Variants in TNRC18 observed in about 807,000 individuals in gnomAD.
TNRC18 encodes the protein trinucleotide repeat containing 18.
Under a neutral mutation model 226.7 loss-of-function variants are expected in TNRC18, and 69 were observed. That is an observed-to-expected ratio of 0.30 (90% CI 0.25 to 0.37). TNRC18 has a LOEUF of 0.37. TNRC18 is among the 10% of genes least tolerant of loss of function. The pLI is 1.00. For synonymous variants in TNRC18, 2,449 were observed against 1,927.6 expected (o/e 1.27, Z -7.09); for missense variants, 4,754 against 4,256.6 (o/e 1.12, Z -3.25).
intron 1 of TNRC18, among the ~76,000 whole-genome samples, chr7:5,421,738 C>A (rs1268577288): frequency 3.3e-5 from 5 of 152,176 alleles, no homozygotes; most frequent in Admixed American, 1.3e-4. Flanking sequence ...TGGCGCGCTG[C>A]GCCCCAGCCC....
chr7:5,317,747 C>A (rs1175941794), intron 24 of TNRC18, among the ~76,000 whole-genome samples: 81 of 151,402 alleles, frequency 5.3e-4, no homozygotes, highest in African/African-American at 1.9e-3. Context: ...ATTCTGTCAC[C>A]CAGGCTGGAA....
chr7:5,406,222 T>G (rs1182914970), intron 2 of TNRC18, among the ~76,000 whole-genome samples: 1 of 152,164 alleles, frequency 6.6e-6, no homozygotes, highest in African/African-American at 2.4e-5. Context: ...CCCAGCACTT[T>G]GGGAGGCCGA....
intron 10 of TNRC18, among the ~76,000 whole-genome samples, chr7:5,372,070 A>ATTTT (rs35270494): frequency 6.9e-6 from 1 of 144,800 alleles, no homozygotes; most frequent in South Asian, 2.2e-4. Context: ...CGCCTGGCTA[A>ATTTT]TTTTTTTTTT....
rs1051056825 is a variant in TNRC18 at position 5,388,895 on chromosome 7, C to A, written c.929G>T (p.Arg310Leu). Residue 310 changes from arginine (R) to leucine (L), a missense_variant, in exon 5 of 30, where the codon CGG (arginine) becomes CTG (leucine). By Grantham distance (102) the Arg-to-Leu change is moderately radical. Transcript: ENST00000430969. ...CAGCAGCCGCGCGCCCTCGTCCTGC[C>A]GGGCAGCCTCCTTGGCACCCCCGCG... The part of the protein sequence containing the change: ...AGRGGAKEAA[R>L]QDEGARLLRR... 2 of 1,356,640 alleles carry A rather than the reference C, an allele frequency of 1.5e-6. No homozygotes were observed. Among genetic ancestry groups the A allele is most frequent in the South Asian group, 1.4e-5 (1 of 71,678 alleles). The allele number at this position is 1,356,640 out of a possible 1,614,324, so 84.0% of individuals were successfully genotyped here.
intron 2 of TNRC18, among the ~76,000 whole-genome samples, chr7:5,410,860 CAAAAAAAAAAAAAA>C (rs34320785): frequency 8.1e-5 from 3 of 37,174 alleles, no homozygotes; most frequent in Non-Finnish European, 1.6e-4. Context: ...GACTCCATCT[CAAAAAAAAAAAAAA>C]AAAAAAAAAA....
intron 17 of TNRC18, among the ~76,000 whole-genome samples, chr7:5,346,296 T>G (rs1375105784): frequency 1.3e-5 from 2 of 151,922 alleles, no homozygotes; most frequent in Admixed American, 6.6e-5. Flanking sequence ...GCCAGCTGAG[T>G]CCTGAGGGCT....
chr7:5,356,774 T>G, intron 16 of TNRC18, 142 bp downstream of exon 16: 2 of 1,214,522 alleles, frequency 1.6e-6, no homozygotes, highest in Non-Finnish European at 2.2e-6. Context: ...CATGCCAAGC[T>G]CAGGCACTGT....
chr7:5,320,182 G>T (rs1788204917), intron 24 of TNRC18, 136 bp downstream of exon 24: 1 of 680,948 alleles, frequency 1.5e-6, no homozygotes, highest in Non-Finnish European at 2.6e-6. Context: ...AATCATGCCT[G>T]AAGGCCATAC....
chr7:5,318,514 C>A (rs1335067555), intron 24 of TNRC18, among the ~76,000 whole-genome samples: 2 of 152,018 alleles, frequency 1.3e-5, no homozygotes, highest in African/African-American at 2.4e-5. Flanking sequence ...GAGAAGTTAT[C>A]CAAGTTGTGC....
chr7:5,404,160 C>CAAG (rs551779524), intron 2 of TNRC18, among the ~76,000 whole-genome samples: 1 of 152,218 alleles, frequency 6.6e-6, no homozygotes, highest in Non-Finnish European at 1.5e-5. Context: ...ATCACAAGGT[C>CAAG]AAGAGTTCAA....
chr7:5,324,382 G>GA lies in TNRC18; in HGVS notation c.6301-28dup, dbSNP rs768665859. ...TGGGGACAGAACATGGCCGACAAAT[G>GA]ACTTAGGACCTGAACAGGGGTCCTG... is the stretch of plus-strand genomic sequence containing the variant. On this transcript the variant is annotated intron_variant, in intron 20 of 29. Coordinates refer to ENST00000430969, the MANE Select transcript of TNRC18 (RefSeq NM_001080495.3). This position sits in a 1 kb window ranked among gnomAD's most constrained non-coding sequence, Gnocchi z 4.8. The GA allele has an allele frequency of 5.0e-6, 8 of 1,611,610 alleles. No individual in the cohort carries two copies. The highest frequency in any genetic ancestry group is 6.8e-6 in the Non-Finnish European group (8 of 1,179,462).
rs1180528552 is a variant in TNRC18, at chr7:5,398,204, CTT to C, written c.188-3611_188-3610del. On this transcript the variant is annotated intron_variant, in intron 2 of 29. Coordinates refer to ENST00000430969, the MANE Select transcript of TNRC18 (RefSeq NM_001080495.3). Reference sequence around the variant, plus strand: ...TTTTTTTTGAGATGGGAGTTTCGCTCTTGTTGCCCAGGGTGGAGTGCAATGGC... The same window carrying C: ...TTTTTTTTGAGATGGGAGTTTCGCTCGTTGCCCAGGGTGGAGTGCAATGGC... Among the ~76,000 whole-genome samples, 5 of 151,576 alleles carry C rather than the reference CTT, an allele frequency of 3.3e-5. No individual in the cohort carries two copies. In the South Asian group the frequency reaches 8.3e-4, roughly 25 times the overall value.
At chr7:5,400,062 A>T (rs368544548) in intron 2 of TNRC18, among the ~76,000 whole-genome samples, 1 of 151,622 alleles carries the variant, frequency 6.6e-6, no homozygotes, top group Non-Finnish European at 1.5e-5. Flanking sequence ...GCTCATTTTT[A>T]TTTTTTCTTT....
intron 3 of TNRC18, among the ~76,000 whole-genome samples, chr7:5,393,161 G>A (rs994930058): frequency 2.0e-5 from 3 of 152,230 alleles, no homozygotes; most frequent in Non-Finnish European, 4.4e-5. Flanking sequence ...CAGGGACAGA[G>A]AGGTAGTGAG....
In TNRC18 at chr7:5,408,921, C is replaced by T. The variant is rs796643659; in HGVS notation, c.187+12139G>A. On this transcript the variant is annotated intron_variant, in intron 2 of 29. Transcript: ENST00000430969. ...CCACTGAGGGTATGCATTCTCAGGA[C>T]TAGGGTGTGGACCAAAGGGAAAACA... 1.8e-4 allele frequency among the ~76,000 whole-genome samples: 28 copies of T among 152,284 alleles called. 1 individual carries two copies. The highest frequency in any genetic ancestry group is 5.8e-4 in the African/African-American group (24 of 41,556).
intron 22 of TNRC18, 37 bp from the exon 23 acceptor site, chr7:5,320,644 G>A (rs539405768): frequency 8.5e-5 from 135 of 1,590,614 alleles, no homozygotes; most frequent in Admixed American, 1.0e-4. Context: ...GGCAGAGGCC[G>A]AGACCTCCCC....
At chr7:5,308,541 C>T (rs777828193) in intron 29 of TNRC18, among the ~76,000 whole-genome samples, 15 of 151,814 alleles carry the variant, frequency 9.9e-5, no homozygotes, top group African/African-American at 1.5e-4. Context: ...GATCCAAAGA[C>T]GCAGAGAGAC....
At chr7:5,375,257 C>T (rs185549833) in intron 9 of TNRC18, among the ~76,000 whole-genome samples, 10 of 152,208 alleles carry the variant, frequency 6.6e-5, no homozygotes, top group South Asian at 4.1e-4. Flanking sequence ...TGCAGTGACC[C>T]GAGATAGTAC....
At chr7:5,353,183 G>A (rs554290776) in intron 16 of TNRC18, among the ~76,000 whole-genome samples, 1 of 152,134 alleles carries the variant, frequency 6.6e-6, no homozygotes, top group Admixed American at 6.5e-5. Flanking sequence ...TGTCCCTCCC[G>A]AGGCTGTGTC....
Sources: allele counts gnomAD v4.1 joint callset (sites outside exome capture counted in the v4.1 genomes callset), GRCh38; gene constraint gnomAD v4.1.1; non-coding constraint Gnocchi (gnomAD v3.1); transcripts MANE v1.5; gene names NCBI Gene and HGNC (gene_info 2026-07-23, HGNC 2026-07-21).